The following GABRA1 variants were observed in gnomAD, a reference collection of about 807,000 sequenced individuals.
GABRA1 encodes the protein gamma-aminobutyric acid type A receptor subunit alpha1.
GABRA1 carries 9 observed loss-of-function variants against 48.9 expected under a neutral mutation model. The observed-to-expected ratio is 0.18, with a 90% CI of 0.11 to 0.32. The LOEUF is 0.32. GABRA1 is among the 10% of genes least tolerant of loss of function. GABRA1 has a pLI of 1.00. For synonymous variants in GABRA1, 210 were observed against 198.7 expected, an observed-to-expected ratio of 1.06 and a Z score of -0.48; for missense variants, 285 against 553.8, an observed-to-expected ratio of 0.51 and a Z score of 4.87.
At chr5:161,892,454 G>A (rs1325416922) in intron 8 of GABRA1, among the ~76,000 whole-genome samples, 3 of 152,204 alleles carry the variant, frequency 2.0e-5, no homozygotes, top group East Asian at 1.9e-4. Flanking sequence ...CTTCTAGATT[G>A]GCAAACACCA....
At chr5:161,880,295 G>C (rs1754556908) in intron 6 of GABRA1, among the ~76,000 whole-genome samples, 1 of 151,914 alleles carries the variant, frequency 6.6e-6, no homozygotes, top group Non-Finnish European at 1.5e-5. Flanking sequence ...TGTCTTCTTA[G>C]GTAAGATGCT....
intron 4 of GABRA1, among the ~76,000 whole-genome samples, chr5:161,866,064 C>A (rs1361396208): frequency 1.3e-5 from 2 of 151,684 alleles, no homozygotes; most frequent in South Asian, 2.1e-4. Context: ...TGGTTAATAC[C>A]CCACAAGCCA....
chr5:161,867,939 T>C (rs1449698106), intron 4 of GABRA1, among the ~76,000 whole-genome samples: 5 of 152,164 alleles, frequency 3.3e-5, no homozygotes, highest in Non-Finnish European at 4.4e-5. Context: ...TTGCCAAACC[T>C]GTAAAGGCAC....
At position 161,865,805 on chromosome 5, in the gene GABRA1, T is replaced by A. The variant is rs1246147779; in HGVS notation, c.255+17T>A. The A allele has an allele frequency of 1.2e-6, 2 of 1,601,098 alleles. No homozygotes were observed. Among genetic ancestry groups the A allele is most frequent in the East Asian group, 2.2e-5 (1 of 44,780 alleles). Reference sequence around the variant, plus strand: ...CATGATATGGTAAGTGGACACTTTATCTTTGCTTTTCTTGAAGAATTTTTA... The same window carrying A: ...CATGATATGGTAAGTGGACACTTTAACTTTGCTTTTCTTGAAGAATTTTTA... On this transcript the variant is annotated intron_variant, in intron 4 of 9. Transcript: ENST00000393943.
chr5:161,873,540 A>T (rs1318107300), intron 5 of GABRA1, among the ~76,000 whole-genome samples: 2 of 152,160 alleles, frequency 1.3e-5, no homozygotes, highest in Non-Finnish European at 2.9e-5. Context: ...ATTTGCTTAC[A>T]TCTAGTTTTA....
Position 161,897,316 on chromosome 5 carries a change from T to C in GABRA1, c.1265T>C (p.Leu422Pro). Residue 422 changes from leucine (L) to proline (P), a missense_variant, in exon 10 of 10, where the codon CTG becomes CCG. Physicochemically the swap from Leu to Pro is moderately conservative, Grantham distance 98. Transcript: ENST00000393943. ...TFNSVSKIDR[L>P]SRIAFPLLFG... is the part of the protein sequence containing the mutation. ...AACAGTGTCAGCAAAATTGACCGACTGTCAAGAATAGCCTTCCCGCTGCTA... is the reference window on the plus strand; with the variant it reads ...AACAGTGTCAGCAAAATTGACCGACCGTCAAGAATAGCCTTCCCGCTGCTA... 1 of 1,614,156 alleles carries C rather than the reference T, an allele frequency of 6.2e-7. No homozygotes were observed. Among genetic ancestry groups the C allele is most frequent in the Non-Finnish European group, 8.5e-7 (1 of 1,179,992 alleles).
At position 161,876,784 on chromosome 5, in the gene GABRA1, T is replaced by C. The variant is rs550218417; in HGVS notation, c.559+1142T>C. On this transcript the variant is annotated intron_variant, in intron 6 of 9. Transcript: ENST00000393943. ...TGAATAACAGATCCATTTGTAATAA[T>C]GACAATATGTGCTACATGTTACTTG... Among the ~76,000 whole-genome samples, 5 of 152,322 alleles carry C rather than the reference T, an allele frequency of 3.3e-5. No individual in the cohort carries two copies. In the South Asian group the frequency reaches 1.0e-3, roughly 32 times the overall value.
At chr5:161,874,746 C>G (rs1754272102) in intron 5 of GABRA1, among the ~76,000 whole-genome samples, 1 of 152,020 alleles carries the variant, frequency 6.6e-6, no homozygotes, top group African/African-American at 2.4e-5. Flanking sequence ...ATCTATCTTA[C>G]TACGTTTCTT....
intron 8 of GABRA1, 70 bp from the exon 9 acceptor site, chr5:161,895,596 A>T: frequency 7.5e-7 from 1 of 1,333,894 alleles, no homozygotes; most frequent in Non-Finnish European, 1.1e-6. Flanking sequence ...TTGTTCAAGT[A>T]GGCTGTCCCA....
intron 3 of GABRA1, among the ~76,000 whole-genome samples, chr5:161,856,201 G>A (rs1250332485): frequency 6.6e-6 from 1 of 151,314 alleles, no homozygotes; most frequent in Admixed American, 6.6e-5. Flanking sequence ...TAGACTGAGA[G>A]TATATTGAAA....
chr5:161,852,725 T>C (rs1581176969), intron 2 of GABRA1, among the ~76,000 whole-genome samples: 1 of 151,994 alleles, frequency 6.6e-6, no homozygotes, highest in South Asian at 2.1e-4. Flanking sequence ...ATTAGGAGAA[T>C]GAAAAATTGT....
intron 3 of GABRA1, among the ~76,000 whole-genome samples, chr5:161,861,589 C>A (rs535607796): frequency 6.6e-6 from 1 of 151,428 alleles, no homozygotes; most frequent in African/African-American, 2.4e-5. Context: ...ACCCCCATAT[C>A]TAGACTTAGT....
intron 6 of GABRA1, among the ~76,000 whole-genome samples, chr5:161,876,352 T>C (rs1754353349): frequency 6.6e-6 from 1 of 152,152 alleles, no homozygotes; most frequent in African/African-American, 2.4e-5. Flanking sequence ...CCTTCTGCTT[T>C]CAACTGGTTT....
intron 4 of GABRA1, among the ~76,000 whole-genome samples, chr5:161,872,609 A>T (rs1208340463): frequency 6.6e-6 from 1 of 152,200 alleles, no homozygotes; most frequent in Non-Finnish European, 1.5e-5. Context: ...TCGCCAAAAA[A>T]AGATGGAATT....
intron 3 of GABRA1, among the ~76,000 whole-genome samples, chr5:161,856,685 C>A (rs1757658468): frequency 6.6e-6 from 1 of 150,434 alleles, no homozygotes; most frequent in Non-Finnish European, 1.5e-5. Context: ...TTTAAATATT[C>A]TTTTTTTGGA....
At chr5:161,882,849 C>A in intron 7 of GABRA1, 148 bp downstream of exon 7, 1 of 794,368 alleles carries the variant, frequency 1.3e-6, no homozygotes, top group Non-Finnish European at 2.1e-6. Flanking sequence ...AATGTAAACT[C>A]GGTAGACCTG....
In GABRA1 at chr5:161,899,223, A is replaced by G. The variant is rs1213820150; in HGVS notation, c.*1801A>G. The G allele has an allele frequency of 6.6e-6, 1 of 152,562 alleles. No homozygotes were observed. Among genetic ancestry groups the G allele is most frequent in the Admixed American group, 6.5e-5 (1 of 15,272 alleles). 9.5% of individuals were successfully genotyped at this position (152,562 alleles called of 1,614,324 possible). On this transcript the variant is annotated 3_prime_UTR_variant, in exon 10 of 10. Transcript: ENST00000393943. ...TGTTTTTCTCAAAAAGCTGCTATCC[A>G]ATGATATAGGAAAATACATTGTGTT...
intron 1 of GABRA1, chr5:161,848,654 G>A (rs1321180480): frequency 9.5e-6 from 2 of 210,906 alleles, no homozygotes; most frequent in Admixed American, 5.6e-5. Context: ...TGAAACCGCA[G>A]CAATATAAGA....
chr5:161,880,332 A>T (rs896340453), intron 6 of GABRA1, among the ~76,000 whole-genome samples: 9 of 152,182 alleles, frequency 5.9e-5, no homozygotes, highest in Non-Finnish European at 1.3e-4. Flanking sequence ...AATTTATCAT[A>T]TTAAAATATT....
Sources: allele counts gnomAD v4.1 joint callset (sites outside exome capture counted in the v4.1 genomes callset), GRCh38; gene constraint gnomAD v4.1.1; transcripts MANE v1.5; gene names NCBI Gene and HGNC (gene_info 2026-07-23, HGNC 2026-07-21).